The following P3H2 variants were observed in gnomAD, a reference collection of about 807,000 sequenced individuals.
The protein encoded by P3H2 is prolyl 3-hydroxylase 2.
A neutral mutation model predicts 87.0 loss-of-function variants in P3H2; 80 were observed. The observed-to-expected ratio is 0.92, with a 90% CI of 0.77 to 1.11. The LOEUF is 1.11. Among genes scored for constraint, P3H2 ranks in the 50% least tolerant of loss-of-function variants. The pLI is 0.00. For synonymous variants in P3H2, 367 were observed against 359.3 expected (o/e 1.02, Z -0.24); for missense variants, 1,001 against 923.9 (o/e 1.08, Z -1.08).
At chr3:189,976,852 T>C (rs1723363885) in intron 8 of P3H2, among the ~76,000 whole-genome samples, 1 of 152,190 alleles carries the variant, frequency 6.6e-6, no homozygotes, top group Non-Finnish European at 1.5e-5. Context: ...TAAGCCTCGT[T>C]TCAGTATCAC....
intron 6 of P3H2, among the ~76,000 whole-genome samples, chr3:189,985,590 T>C (rs1309517271): frequency 2.7e-5 from 4 of 149,494 alleles, no homozygotes; most frequent in Admixed American, 2.0e-4. Context: ...CTCTTAGTAA[T>C]CATATATAAT....
intron 11 of P3H2, 43 bp downstream of exon 11, chr3:189,972,831 T>G (rs1484808495): frequency 1.9e-6 from 3 of 1,606,264 alleles, no homozygotes; most frequent in Non-Finnish European, 2.6e-6. Context: ...CATTTCCCAA[T>G]GTATTGTGGG....
In P3H2 at chr3:190,007,959, G is replaced by GACACACACACACAC. The variant is rs371622835; in HGVS notation, c.481-12518_481-12517insGTGTGTGTGTGTGT. On this transcript the variant is annotated intron_variant, in intron 1 of 14. Coordinates refer to ENST00000319332, the MANE Select transcript of P3H2 (RefSeq NM_018192.4). ...TCAGCTGCCTGAGACTCTATTTGTT[G>GACACACACACACAC]ACACACATATATATATATATATATA... Among the ~76,000 whole-genome samples the GACACACACACACAC allele has an allele frequency of 7.3e-3, 731 of 100,670 alleles. 61 individuals are homozygous for GACACACACACACAC. The highest frequency in any genetic ancestry group is 7.6e-3 in the Non-Finnish European group (382 of 50,400). 66.0% of individuals were successfully genotyped at this position (100,670 alleles called of 152,430 possible).
intron 1 of P3H2, among the ~76,000 whole-genome samples, chr3:190,075,141 A>G (rs1378175436): frequency 6.6e-6 from 1 of 152,230 alleles, no homozygotes; most frequent in Non-Finnish European, 1.5e-5. Context: ...ATAGTCTAGT[A>G]GTGAAGAAAA....
At chr3:189,979,787 C>A (rs1005335145) in intron 8 of P3H2, among the ~76,000 whole-genome samples, 49 of 151,480 alleles carry the variant, frequency 3.2e-4, no homozygotes, top group Admixed American at 3.2e-3. Flanking sequence ...GATGGTGAAA[C>A]CCCGTCTCTA....
rs1227313029 is a variant in P3H2 at position 189,994,328 on chromosome 3, AC to A, written c.634-46del. On this transcript the variant is annotated intron_variant, in intron 2 of 14. Transcript: ENST00000319332. ...AAAAAACAAACAAACAAACAAACAAACAAACAAAAAAACCCTTATTTTCAAA... is the reference window on the plus strand; with the variant it reads ...AAAAAACAAACAAACAAACAAACAAAAAACAAAAAAACCCTTATTTTCAAA... 1.1e-5 allele frequency: 16 copies of A among 1,509,586 alleles called. No homozygotes were observed. In the African/African-American group the frequency reaches 1.9e-4, roughly 18 times the overall value. 93.5% of individuals were successfully genotyped at this position (1,509,586 alleles called of 1,614,324 possible).
chr3:189,970,781 A>G (rs1480798439), intron 13 of P3H2, 35 bp downstream of exon 13: 6 of 1,280,492 alleles, frequency 4.7e-6, no homozygotes, highest in Non-Finnish European at 6.8e-6. Flanking sequence ...GAGCTAAAAC[A>G]TACTAAATAA....
At chr3:190,037,340 T>C (rs1201356229) in intron 1 of P3H2, among the ~76,000 whole-genome samples, 1 of 152,174 alleles carries the variant, frequency 6.6e-6, no homozygotes, top group Non-Finnish European at 1.5e-5. Flanking sequence ...ACTTTTAGAA[T>C]CTAGTATAAG....
intron 1 of P3H2, among the ~76,000 whole-genome samples, chr3:190,006,315 C>A (rs1245546989): frequency 6.6e-6 from 1 of 152,098 alleles, no homozygotes; most frequent in Non-Finnish European, 1.5e-5. Flanking sequence ...AAAGAACCTG[C>A]CTAGAATATT....
chr3:190,108,019 G>T (rs1054561978), intron 1 of P3H2, among the ~76,000 whole-genome samples: 10 of 151,058 alleles, frequency 6.6e-5, no homozygotes, highest in Admixed American at 2.0e-4. Flanking sequence ...TATTACACAG[G>T]CAGTCTTGAA....
At chr3:189,961,357 G>T (rs1722804906) in intron 14 of P3H2, among the ~76,000 whole-genome samples, 2 of 152,174 alleles carry the variant, frequency 1.3e-5, no homozygotes, top group African/African-American at 4.8e-5. Context: ...TTCAAGAGCT[G>T]GAACCAATAT....
At chr3:190,059,232 T>C (rs1726260540) in intron 1 of P3H2, among the ~76,000 whole-genome samples, 1 of 152,158 alleles carries the variant, frequency 6.6e-6, no homozygotes, top group Admixed American at 6.5e-5. Context: ...TCTTCATGTC[T>C]GTCTCCCCTA....
At position 189,995,354 on chromosome 3, in the gene P3H2, T is replaced by C; in HGVS notation, c.569A>G (p.Asn190Ser). The C allele has an allele frequency of 1.2e-6, 2 of 1,614,120 alleles. No individual in the cohort carries two copies. Among genetic ancestry groups the C allele is most frequent in the Non-Finnish European group, 1.7e-6 (2 of 1,180,020 alleles). ...TTCAACACCAGCTGTCGCCCTGTAA[T>C]TCTCAATGTTCTGCTGCATTTCCAT... is the stretch of plus-strand genomic sequence containing the variant. ...EHMEMQQNIENYRATAGVEAL... is the reference protein window; with the variant it reads ...EHMEMQQNIESYRATAGVEAL... The change falls in exon 2 of 15, where the codon AAT (asparagine) becomes AGT (serine). Residue 190 changes from asparagine to serine, a missense_variant. Coordinates refer to ENST00000319332, the MANE Select transcript of P3H2 (RefSeq NM_018192.4).
intron 1 of P3H2, among the ~76,000 whole-genome samples, chr3:190,012,445 A>G (rs540352699): frequency 6.6e-6 from 1 of 152,278 alleles, no homozygotes; most frequent in South Asian, 2.1e-4. Flanking sequence ...ATTCCTAAAC[A>G]TGACTCACAA....
intron 1 of P3H2, among the ~76,000 whole-genome samples, chr3:190,008,385 C>G (rs567268565): frequency 6.6e-6 from 1 of 151,954 alleles, no homozygotes; most frequent in Admixed American, 6.6e-5. Flanking sequence ...CCCAGAATAA[C>G]GCAAATTAAA....
chr3:190,034,852 T>G (rs556979093), intron 1 of P3H2, among the ~76,000 whole-genome samples: 2 of 60,896 alleles, frequency 3.3e-5, no homozygotes, highest in South Asian at 1.2e-3. Context: ...TCTTTTCTTT[T>G]CTTTTTTTTT....
intron 1 of P3H2, among the ~76,000 whole-genome samples, chr3:190,056,912 C>G (rs1651273512): frequency 6.6e-6 from 1 of 152,200 alleles, no homozygotes; most frequent in South Asian, 2.1e-4. Flanking sequence ...CAAGCCTCAA[C>G]TGTTCAAGTA....
intron 1 of P3H2, among the ~76,000 whole-genome samples, chr3:190,068,500 TCTTAAAACTGCTA>T (rs1384404491): frequency 6.6e-6 from 1 of 152,168 alleles, no homozygotes; most frequent in Non-Finnish European, 1.5e-5. Flanking sequence ...AGTTATTGGG[TCTTAAAACTGCTA>T]GATTTGGTAA....
chr3:190,109,819 C>T (rs1227587952), intron 1 of P3H2, among the ~76,000 whole-genome samples: 2 of 148,524 alleles, frequency 1.3e-5, no homozygotes, highest in East Asian at 2.0e-4. Flanking sequence ...CTGTACTTAT[C>T]TAACCATCTA....
Sources: gnomAD v4.1 joint callset for allele counts (sites outside exome capture counted in the v4.1 genomes callset) on GRCh38, gnomAD v4.1.1 for gene constraint, MANE v1.5 for transcripts, NCBI Gene and HGNC (gene_info 2026-07-23, HGNC 2026-07-21) for gene names.